The following NBAS variants were observed in gnomAD, a reference collection of about 807,000 sequenced individuals.
The protein encoded by NBAS is NBAS subunit of NRZ tethering complex, also known as NAG/BC035112 fusion.
NBAS carries 219 observed loss-of-function variants against 302.5 expected under a neutral mutation model. The observed-to-expected ratio is 0.72, with a 90% CI of 0.65 to 0.81. The LOEUF is 0.81. Among genes scored for constraint, NBAS ranks in the 30% least tolerant of loss-of-function variants. The pLI is 0.00. For synonymous variants in NBAS, 1,118 were observed against 1,021.6 expected (o/e 1.09, Z -1.80); for missense variants, 2,932 against 2,841.6 (o/e 1.03, Z -0.72).
chr2:15,066,956 G>A, the NBAS span, among the ~76,000 whole-genome samples: 1 of 152,042 alleles, frequency 6.6e-6, no homozygotes, highest in African/African-American at 2.4e-5. Context: ...ATCAACCTAA[G>A]TGTCCATCAA....
the NBAS span, among the ~76,000 whole-genome samples, chr2:14,850,917 C>A: frequency 7.3e-6 from 1 of 137,794 alleles, no homozygotes. Flanking sequence ...ATCTCTGGGA[C>A]ACATTCAAAG....
At chr2:15,064,816 A>G in the NBAS span, among the ~76,000 whole-genome samples, 223 of 152,230 alleles carry the variant, frequency 1.5e-3, 1 homozygote, top group African/African-American at 5.2e-3. Context: ...TAAATGTCTC[A>G]GATGAACATA....
At chr2:14,979,141 C>T in the NBAS span, among the ~76,000 whole-genome samples, 1 of 152,086 alleles carries the variant, frequency 6.6e-6, no homozygotes, top group African/African-American at 2.4e-5. Flanking sequence ...ATCCTCAGGG[C>T]GTGTTTGGAT....
chr2:15,113,320 C>CGTGT, the NBAS span, among the ~76,000 whole-genome samples: 11,913 of 129,772 alleles, frequency 0.092, 748 homozygotes, highest in African/African-American at 0.16. Flanking sequence ...GGTATGAACT[C>CGTGT]GTGTGTGTGT....
intron 25 of NBAS, among the ~76,000 whole-genome samples, chr2:15,405,305 T>G (rs559155042): frequency 8.6e-4 from 131 of 152,344 alleles, no homozygotes; most frequent in Non-Finnish European, 1.6e-3. Flanking sequence ...TCTCTTCTTA[T>G]GCCATTCTGC....
At chr2:15,368,894 G>A (rs1403952898) in intron 31 of NBAS, among the ~76,000 whole-genome samples, 2 of 152,196 alleles carry the variant, frequency 1.3e-5, no homozygotes, top group African/African-American at 4.8e-5. Context: ...GGACACGATT[G>A]TGAGCAAGGA....
At chr2:15,507,150 G>A (rs1472373498) in intron 10 of NBAS, among the ~76,000 whole-genome samples, 1 of 152,174 alleles carries the variant, frequency 6.6e-6, no homozygotes, top group Non-Finnish European at 1.5e-5. Context: ...GATGTAAGAT[G>A]AATATCCTTC....
intron 51 of NBAS, among the ~76,000 whole-genome samples, chr2:15,174,056 C>T (rs6751591): frequency 0.3 from 45,491 of 152,090 alleles, 7,419 homozygotes; most frequent in African/African-American, 0.44. Flanking sequence ...GGCTGACCTG[C>T]AGAGTGAGCT....
Position 15,461,694 on chromosome 2 carries a change from T to A in NBAS, c.2195A>T (p.Tyr732Phe). 6.3e-7 allele frequency: 1 copy of A among 1,576,652 alleles called. No homozygotes were observed. Among genetic ancestry groups the A allele is most frequent in the Non-Finnish European group, 8.7e-7 (1 of 1,147,798 alleles). ...NQNIVLSART[Y>F]AQESNVQALE... ...TTACAAAAAGCAAATTACCTGAGCA[T>A]AAGTTCTTGCTGAGAGAACAATATT... The change falls in exon 20 of 52, where the codon TAT (tyrosine) becomes TTT (phenylalanine). Residue 732 changes from tyrosine to phenylalanine, a missense_variant. Transcript: ENST00000281513.
the NBAS span, among the ~76,000 whole-genome samples, chr2:15,068,860 G>T: frequency 1.3e-5 from 2 of 152,128 alleles, no homozygotes; most frequent in East Asian, 1.9e-4. Context: ...ATAAGAAAGG[G>T]GATTTATTCT....
chr2:15,167,186 A>C lies in NBAS; in HGVS notation c.6978T>G (p.Asp2326Glu), dbSNP rs1406359553. 1 of 1,614,244 alleles carries C rather than the reference A, an allele frequency of 6.2e-7. No individual in the cohort carries two copies. Among genetic ancestry groups the C allele is most frequent in the Admixed American group, 1.7e-5 (1 of 60,036 alleles). Residue 2326 changes from aspartate to glutamate, a missense_variant, in exon 52 of 52, where the codon GAT (aspartate) becomes GAG (glutamate). Coordinates refer to ENST00000281513, the MANE Select transcript of NBAS (RefSeq NM_015909.4). The stretch of plus-strand genomic sequence containing the variant: ...GCAGGTGTCTGCCCAGCTCCTCTGC[A>C]TCCCAGCGCCCTTGCTGGAGGCTAG... ...LLASLQQGRW[D>E]AEELGRHLRE...
In NBAS at chr2:15,552,682, A is replaced by C. The variant is rs1430964806; in HGVS notation, c.335+744T>G. On this transcript the variant is annotated intron_variant, in intron 5 of 51. Transcript: ENST00000281513. ...TTAGATGTGTATATAATACCACTGA[A>C]TGTCTCAAGAGGACAGACAGCATAA... 5.9e-5 allele frequency among the ~76,000 whole-genome samples: 9 copies of C among 152,290 alleles called. No individual in the cohort carries two copies. In the East Asian group the frequency reaches 1.2e-3, roughly 20 times the overall value.
chr2:14,910,368 G>A, the NBAS span, among the ~76,000 whole-genome samples: 7 of 152,192 alleles, frequency 4.6e-5, no homozygotes, highest in Non-Finnish European at 1.0e-4. Context: ...CTCTTGCATA[G>A]AATAAGGAGT....
At chr2:14,841,023 A>T in the NBAS span, among the ~76,000 whole-genome samples, 1 of 152,088 alleles carries the variant, frequency 6.6e-6, no homozygotes, top group South Asian at 2.1e-4. Context: ...AGACAACAAA[A>T]AGTAAAAATG....
At chr2:15,171,652 G>A (rs981441326) in intron 51 of NBAS, among the ~76,000 whole-genome samples, 1 of 152,156 alleles carries the variant, frequency 6.6e-6, no homozygotes, top group Non-Finnish European at 1.5e-5. Context: ...GTTACGGGCT[G>A]AACTGTGTCC....
At chr2:15,415,779 TA>T in intron 24 of NBAS, 60 bp from the exon 25 acceptor site, 9 of 1,570,580 alleles carry the variant, frequency 5.7e-6, no homozygotes, top group Non-Finnish European at 7.9e-6. Context: ...AATGCCTTAT[TA>T]TATCAGACAG....
chr2:15,034,044 A>AGGAGGAGGAGGG, the NBAS span, among the ~76,000 whole-genome samples: 2 of 91,064 alleles, frequency 2.2e-5, no homozygotes, highest in African/African-American at 4.9e-5. Context: ...AGGAAGGAGG[A>AGGAGGAGGAGGG]GGAGGAGGAG....
Position 15,558,610 on chromosome 2 carries a change from C to G in NBAS, c.142G>C (p.Ala48Pro), listed in dbSNP as rs200857890. ...VQPRGNQKHG[A>P]SFIITKAIRD... ...ATTGCTTTCGTGATGATAAAGGATG[C>G]ACCATGTTTTTGGTTGCCTCTAGGC... is the stretch of plus-strand genomic sequence containing the variant. The change falls in exon 2 of 52, where the codon GCA (alanine) becomes CCA (proline). Residue 48 changes from alanine to proline, a missense_variant. By Grantham distance (27) the Ala-to-Pro change is conservative. Transcript: ENST00000281513. 3 of 1,613,002 alleles carry G rather than the reference C, an allele frequency of 1.9e-6. No individual in the cohort carries two copies. Among genetic ancestry groups the G allele is most frequent in the Non-Finnish European group, 2.5e-6 (3 of 1,179,464 alleles).
At chr2:15,327,196 G>T (rs1672110707) in intron 38 of NBAS, among the ~76,000 whole-genome samples, 1 of 152,170 alleles carries the variant, frequency 6.6e-6, no homozygotes, top group South Asian at 2.1e-4. Context: ...TGAATTATGA[G>T]ATATTCACTA....
Sources: allele counts gnomAD v4.1 joint callset (sites outside exome capture counted in the v4.1 genomes callset), GRCh38; gene constraint gnomAD v4.1.1; transcripts MANE v1.5; gene names NCBI Gene and HGNC (gene_info 2026-07-23, HGNC 2026-07-21).